Variants in RAB3C observed in about 807,000 individuals in gnomAD.
The protein encoded by RAB3C is RAB3C, member RAS oncogene family, also known as ras-related protein Rab-3C.
In RAB3C, 17 loss-of-function variants were observed where a neutral mutation model predicts 26.4. The ratio of observed to expected loss-of-function variants is 0.64; its 90% CI spans 0.44 to 0.97. RAB3C has a LOEUF of 0.97. Among genes scored for constraint, RAB3C ranks in the 50% least tolerant of loss-of-function variants. RAB3C has a pLI of 0.00. For synonymous variants in RAB3C, 91 were observed against 95.9 expected (o/e 0.95, Z 0.30); for missense variants, 242 against 281.9 (o/e 0.86, Z 1.01).
intron 2 of RAB3C, among the ~76,000 whole-genome samples, chr5:58,698,816 G>A (rs1748775684): frequency 6.6e-6 from 1 of 152,052 alleles, no homozygotes; most frequent in African/African-American, 2.4e-5. Context: ...ATTCTAGTTA[G>A]CCATTCGCCT....
chr5:58,784,467 G>T (rs1742334209), intron 3 of RAB3C, among the ~76,000 whole-genome samples: 1 of 152,056 alleles, frequency 6.6e-6, no homozygotes, highest in Non-Finnish European at 1.5e-5. Context: ...TACCTCCTAT[G>T]GGTCCCTCCT....
chr5:58,682,354 T>C (rs914541686), intron 2 of RAB3C, among the ~76,000 whole-genome samples: 5 of 152,160 alleles, frequency 3.3e-5, no homozygotes, highest in African/African-American at 1.2e-4. Context: ...TATGTTAAAA[T>C]AGAATGAAAA....
chr5:58,819,810 C>T (rs541224254), intron 3 of RAB3C, among the ~76,000 whole-genome samples: 10 of 151,988 alleles, frequency 6.6e-5, no homozygotes, highest in Admixed American at 4.6e-4. Flanking sequence ...AACTGGAAGG[C>T]GAAGGTTGCA....
chr5:58,721,076 C>CA (rs1178145381), intron 2 of RAB3C, among the ~76,000 whole-genome samples: 1 of 151,454 alleles, frequency 6.6e-6, no homozygotes, highest in African/African-American at 2.4e-5. Context: ...AAATTCAAAC[C>CA]AAAAAAGTTT....
intron 2 of RAB3C, among the ~76,000 whole-genome samples, chr5:58,708,648 C>T (rs1229161713): frequency 1.3e-5 from 2 of 152,154 alleles, no homozygotes; most frequent in East Asian, 3.9e-4. Flanking sequence ...GCACACAATC[C>T]CTGAAAGAAC....
At position 58,782,541 on chromosome 5, in the gene RAB3C, A is replaced by G. The variant is rs145554322; in HGVS notation, c.372-42497A>G. On this transcript the variant is annotated intron_variant, in intron 3 of 4. Coordinates refer to ENST00000282878, the MANE Select transcript of RAB3C (RefSeq NM_138453.4). ...GTAAATGTTAAATATTTATTCCTATACTTAAACATAATGCACAGGATTCCT... is the reference window on the plus strand; with the variant it reads ...GTAAATGTTAAATATTTATTCCTATGCTTAAACATAATGCACAGGATTCCT... 1.9e-3 allele frequency among the ~76,000 whole-genome samples: 287 copies of G among 152,316 alleles called. 1 individual carries two copies. Among genetic ancestry groups the G allele is most frequent in the Non-Finnish European group, 3.0e-3 (207 of 68,026 alleles).
In RAB3C at chr5:58,854,524, A is replaced by G. The variant is rs1480291012; in HGVS notation, c.*3173A>G. 1 of 152,228 alleles carries G rather than the reference A, an allele frequency of 6.6e-6. No individual in the cohort carries two copies. Among genetic ancestry groups the G allele is most frequent in the Non-Finnish European group, 1.5e-5 (1 of 68,030 alleles). The allele number at this position is 152,228 out of a possible 1,614,324, so 9.4% of individuals were successfully genotyped here. A position where few individuals can be genotyped will look rare whatever the true frequency, so the allele number is the denominator to read the frequency against. On this transcript the variant is annotated 3_prime_UTR_variant, in exon 5 of 5. Coordinates refer to ENST00000282878, the MANE Select transcript of RAB3C (RefSeq NM_138453.4). ...CTAAGATGGCAGTTTGAATGTTAGC[A>G]TCGCATCTACATGCTCATAAGAGGA...
intron 2 of RAB3C, among the ~76,000 whole-genome samples, chr5:58,637,107 T>TTTA (rs1282813784): frequency 6.6e-6 from 1 of 151,578 alleles, no homozygotes; most frequent in Non-Finnish European, 1.5e-5. Flanking sequence ...ACTTTTTTTT[T>TTTA]TTTTTTACTA....
Position 58,615,423 on chromosome 5 carries a change from C to A in RAB3C, c.25-2220C>A, listed in dbSNP as rs374306069. Reference sequence around the variant, plus strand: ...TTTTAGGCCTGTTTGAATTTAGCAGCTCATATAGGAGAGGAGCATTAAATG... The same window carrying A: ...TTTTAGGCCTGTTTGAATTTAGCAGATCATATAGGAGAGGAGCATTAAATG... On this transcript the variant is annotated intron_variant, in intron 1 of 4. Coordinates refer to ENST00000282878, the MANE Select transcript of RAB3C (RefSeq NM_138453.4). 1.1e-4 allele frequency among the ~76,000 whole-genome samples: 16 copies of A among 152,246 alleles called. 1 individual carries two copies. The South Asian group carries it at 2.1e-3, about 20-fold the overall frequency.
intron 2 of RAB3C, among the ~76,000 whole-genome samples, chr5:58,624,063 T>C (rs907231247): frequency 1.3e-5 from 2 of 152,212 alleles, no homozygotes; most frequent in Non-Finnish European, 2.9e-5. Context: ...CTAAAAATAG[T>C]GTACCAAAAT....
At chr5:58,768,729 C>T (rs1274470177) in intron 3 of RAB3C, among the ~76,000 whole-genome samples, 1 of 151,674 alleles carries the variant, frequency 6.6e-6, no homozygotes, top group Admixed American at 6.6e-5. Context: ...GTCCAAGCAG[C>T]AGCAAAAAGG....
chr5:58,698,255 C>T (rs1359806579), intron 2 of RAB3C, among the ~76,000 whole-genome samples: 1 of 152,158 alleles, frequency 6.6e-6, no homozygotes, highest in African/African-American at 2.4e-5. Flanking sequence ...TATCGGCCCC[C>T]ACTCTCTTCT....
chr5:58,674,842 T>G (rs1260639044), intron 2 of RAB3C, among the ~76,000 whole-genome samples: 1 of 152,036 alleles, frequency 6.6e-6, no homozygotes, highest in Non-Finnish European at 1.5e-5. Context: ...GGACAAGTCT[T>G]GAGATGAAAC....
intron 2 of RAB3C, among the ~76,000 whole-genome samples, chr5:58,677,416 T>C (rs1748251505): frequency 6.6e-6 from 1 of 152,196 alleles, no homozygotes; most frequent in Non-Finnish European, 1.5e-5. Flanking sequence ...ACTAGATAGA[T>C]AATTTTTGTT....
intron 3 of RAB3C, among the ~76,000 whole-genome samples, chr5:58,730,109 A>T (rs936933324): frequency 2.0e-5 from 3 of 151,508 alleles, no homozygotes; most frequent in Admixed American, 6.6e-5. Context: ...TATTGCCGCT[A>T]TGGCACCAAT....
At chr5:58,712,529 G>T (rs1201599502) in intron 2 of RAB3C, among the ~76,000 whole-genome samples, 1 of 151,972 alleles carries the variant, frequency 6.6e-6, no homozygotes, top group Non-Finnish European at 1.5e-5. Context: ...CCATTTGATA[G>T]ATTTTTTTTT....
At chr5:58,738,917 G>T (rs1329034061) in intron 3 of RAB3C, among the ~76,000 whole-genome samples, 1 of 151,996 alleles carries the variant, frequency 6.6e-6, no homozygotes, top group Non-Finnish European at 1.5e-5. Context: ...ACTTGCCTTT[G>T]AGGGTAGATT....
chr5:58,834,767 T>C (rs1295615845), intron 4 of RAB3C, among the ~76,000 whole-genome samples: 2 of 152,212 alleles, frequency 1.3e-5, no homozygotes, highest in Admixed American at 6.5e-5. Flanking sequence ...TTAATGTGTT[T>C]GGGTTGGTTT....
intron 1 of RAB3C, among the ~76,000 whole-genome samples, chr5:58,587,124 G>T (rs966950882): frequency 3.3e-5 from 5 of 152,076 alleles, no homozygotes; most frequent in African/African-American, 1.2e-4. Flanking sequence ...AGGAAGTGGA[G>T]GATAGCAAGA....
Sources: allele counts gnomAD v4.1 joint callset (sites outside exome capture counted in the v4.1 genomes callset), GRCh38; gene constraint gnomAD v4.1.1; transcripts MANE v1.5; gene names NCBI Gene and HGNC (gene_info 2026-07-23, HGNC 2026-07-21).